Variants in FAM114A2 observed in about 807,000 individuals in gnomAD.
FAM114A2 encodes family with sequence similarity 114 member A2.
In FAM114A2, 53 loss-of-function variants were observed where a neutral mutation model predicts 58.4. The ratio of observed to expected loss-of-function variants is 0.91; its 90% CI spans 0.73 to 1.14. The LOEUF (loss-of-function observed/expected upper bound fraction) is 1.14. Ranked by LOEUF, FAM114A2 falls within the 50% of genes most tolerant of loss-of-function variation. The probability of loss-of-function intolerance (pLI) is 0.00; values close to 1 mark genes in which losing one functional copy is unlikely to be tolerated. For missense variants in FAM114A2, 601 were observed against 581.1 expected (o/e 1.03, Z -0.35); for synonymous variants, 228 against 211.4 (o/e 1.08, Z -0.68).
chr5:154,001,088 C>T (rs577501208), intron 11 of FAM114A2, among the ~76,000 whole-genome samples: 5 of 152,254 alleles, frequency 3.3e-5, no homozygotes, highest in African/African-American at 1.2e-4. Flanking sequence ...GCAATGGGAA[C>T]ATATCAGTGA....
intron 8 of FAM114A2, among the ~76,000 whole-genome samples, chr5:154,012,275 C>A (rs1267755565): frequency 6.6e-6 from 1 of 152,086 alleles, no homozygotes; most frequent in East Asian, 1.9e-4. Context: ...GATGGAGAAC[C>A]AGGAACACTT....
intron 11 of FAM114A2, 56 bp downstream of exon 11, chr5:154,002,195 A>G (rs1292831030): frequency 1.9e-6 from 3 of 1,548,652 alleles, no homozygotes; most frequent in Non-Finnish European, 2.7e-6. Context: ...CTTTGGAAAC[A>G]GGCCAAGAAA....
At chr5:154,029,001 A>G (rs1433526294) in intron 5 of FAM114A2, among the ~76,000 whole-genome samples, 2 of 152,198 alleles carry the variant, frequency 1.3e-5, no homozygotes, top group South Asian at 2.1e-4. Flanking sequence ...ATTTCAATAA[A>G]AAGTTAAAAT....
At chr5:154,015,586 C>G (rs1393662791) in intron 8 of FAM114A2, among the ~76,000 whole-genome samples, 1 of 152,140 alleles carries the variant, frequency 6.6e-6, no homozygotes, top group Non-Finnish European at 1.5e-5. Flanking sequence ...GGTGCTACGT[C>G]AAGGAAATAC....
chr5:154,028,712 G>A (rs1273435373), intron 5 of FAM114A2, among the ~76,000 whole-genome samples: 1 of 152,188 alleles, frequency 6.6e-6, no homozygotes, highest in Non-Finnish European at 1.5e-5. Context: ...ACAAACTGCA[G>A]CATAGGTAAA....
chr5:154,009,360 G>C (rs1770550094), intron 9 of FAM114A2, among the ~76,000 whole-genome samples: 1 of 152,046 alleles, frequency 6.6e-6, no homozygotes, highest in Non-Finnish European at 1.5e-5. Context: ...GGGAAAAGCA[G>C]AACTCCATGA....
rs920077903 is a variant in FAM114A2 at position 153,991,359 on chromosome 5, C to T, written c.*1617G>A. 2.6e-5 allele frequency: 4 copies of T among 152,144 alleles called. No individual in the cohort carries two copies. The highest frequency in any genetic ancestry group is 2.1e-4 in the South Asian group (1 of 4,832). 9.4% of individuals were successfully genotyped at this position (152,144 alleles called of 1,614,324 possible). ...AGAGTGACCAGTTTCTAAACTTTGC[C>T]CTCAAGGGATACAGGTTCAGACACA... On this transcript the variant is annotated 3_prime_UTR_variant, in exon 14 of 14. Coordinates refer to ENST00000351797, the MANE Select transcript of FAM114A2 (RefSeq NM_018691.4).
chr5:154,005,885 C>T (rs1376015964), intron 9 of FAM114A2, among the ~76,000 whole-genome samples: 1 of 152,218 alleles, frequency 6.6e-6, no homozygotes, highest in Non-Finnish European at 1.5e-5. Context: ...GGTTTTATTA[C>T]ACATACAGTA....
chr5:154,036,797 G>A (rs750724362), intron 1 of FAM114A2: 1 of 152,172 alleles, frequency 6.6e-6, no homozygotes, highest in Non-Finnish European at 1.5e-5. Context: ...TTTTTATTTG[G>A]CCTGCACAGT....
At chr5:154,007,568 C>T (rs187109086) in intron 9 of FAM114A2, among the ~76,000 whole-genome samples, 322 of 152,296 alleles carry the variant, frequency 2.1e-3, no homozygotes, top group African/African-American at 7.4e-3. Flanking sequence ...CTGAAGATTG[C>T]TTTCAGAGAA....
intron 9 of FAM114A2, among the ~76,000 whole-genome samples, chr5:154,003,806 ATGT>A (rs1770170004): frequency 6.6e-6 from 1 of 152,226 alleles, no homozygotes; most frequent in Non-Finnish European, 1.5e-5. Flanking sequence ...AGATTTATCC[ATGT>A]TGCTGCATGT....
rs114815094 is a variant in FAM114A2 at position 153,993,202 on chromosome 5, G to A, written c.1384-92C>T. ...GCAACAGGGGAACAGATTAATTTTT[G>A]TAATCTAACTGAATTCATAGCCTGG... On this transcript the variant is annotated intron_variant, in intron 13 of 13. Transcript: ENST00000351797. 7.0e-4 allele frequency: 744 copies of A among 1,056,890 alleles called. 5 individuals are homozygous for A. The African/African-American group carries it at 0.011, about 16-fold the overall frequency. 65.5% of individuals were successfully genotyped at this position (1,056,890 alleles called of 1,614,324 possible).
In FAM114A2 at chr5:154,033,812, T is replaced by C. The variant is rs778888810; in HGVS notation, c.382A>G (p.Thr128Ala). 1.2e-6 allele frequency: 2 copies of C among 1,602,196 alleles called. No individual in the cohort carries two copies. The highest frequency in any genetic ancestry group is 1.7e-6 in the Non-Finnish European group (2 of 1,169,502). ...TGACCTGCTACATACTTGACTTCAG[T>C]TGAAATTTCACTGGGACCAGGGATT... The part of the protein sequence containing the change: ...LGIPGPSEIS[T>A]EVKYVAGETN... Residue 128 changes from threonine to alanine, a missense_variant, in exon 4 of 14, where the codon ACT (threonine) becomes GCT (alanine). Coordinates refer to ENST00000351797, the MANE Select transcript of FAM114A2 (RefSeq NM_018691.4).
intron 8 of FAM114A2, 149 bp from the exon 9 acceptor site, chr5:154,011,469 G>T: frequency 1.7e-6 from 1 of 577,920 alleles, no homozygotes; most frequent in Non-Finnish European, 3.1e-6. Flanking sequence ...TGAGCATGGT[G>T]CTTTAGTGCT....
chr5:154,008,095 G>A (rs557055832), intron 9 of FAM114A2, among the ~76,000 whole-genome samples: 45 of 152,170 alleles, frequency 3.0e-4, no homozygotes, highest in African/African-American at 1.0e-3. Flanking sequence ...CTATGCACAA[G>A]GCTAAGTGAA....
chr5:154,013,484 G>A (rs999427541), intron 8 of FAM114A2, among the ~76,000 whole-genome samples: 1 of 152,146 alleles, frequency 6.6e-6, no homozygotes, highest in Admixed American at 6.5e-5. Context: ...GGGAAGGCTG[G>A]GGCACAGTGA....
At chr5:154,020,334 C>A (rs375100390) in intron 8 of FAM114A2, among the ~76,000 whole-genome samples, 3 of 144,326 alleles carry the variant, frequency 2.1e-5, no homozygotes, top group African/African-American at 7.6e-5. Context: ...CACAAAAAAA[C>A]CCTTCAAAAA....
chr5:153,995,460 C>T (rs1480780531), intron 12 of FAM114A2, among the ~76,000 whole-genome samples: 1 of 152,046 alleles, frequency 6.6e-6, no homozygotes, highest in East Asian at 1.9e-4. Flanking sequence ...TTCAGGAAAC[C>T]CAGATCCTTT....
chr5:154,022,679 A>G (rs1771501613), intron 8 of FAM114A2, among the ~76,000 whole-genome samples: 2 of 152,186 alleles, frequency 1.3e-5, no homozygotes, highest in African/African-American at 2.4e-5. Context: ...TGCTTTTACA[A>G]TGTTGGTGGG....
Sources: gnomAD v4.1 joint callset for allele counts (sites outside exome capture counted in the v4.1 genomes callset) on GRCh38, gnomAD v4.1.1 for gene constraint, MANE v1.5 for transcripts, NCBI Gene and HGNC (gene_info 2026-07-23, HGNC 2026-07-21) for gene names.